The following ATM variants were observed in gnomAD, a reference collection of about 807,000 sequenced individuals.
ATM encodes the protein serine-protein kinase ATM.
In ATM, 308 loss-of-function variants were observed where a neutral mutation model predicts 387.0. The observed-to-expected ratio is 0.80, with a 90% CI of 0.73 to 0.87. The LOEUF is 0.87. ATM is among the 40% of genes least tolerant of loss of function. ATM has a pLI of 0.00. For missense variants in ATM, 3,312 were observed against 3,560.9 expected (o/e 0.93, Z 1.78); for synonymous variants, 1,156 against 1,187.3 (o/e 0.97, Z 0.54).
intron 22 of ATM, among the ~76,000 whole-genome samples, chr11:108,278,198 A>G (rs2082047796): frequency 6.6e-6 from 1 of 152,220 alleles, no homozygotes; most frequent in African/African-American, 2.4e-5. Context: ...GCCGACAGTA[A>G]TGTTTTCATA....
At chr11:108,260,084 G>A (rs2080771860) in intron 16 of ATM, among the ~76,000 whole-genome samples, 1 of 145,972 alleles carries the variant, frequency 6.9e-6, no homozygotes, top group Admixed American at 7.0e-5. Context: ...GCCCGGGCTG[G>A]AGTTCAGTGG....
chr11:108,253,037 A>T, intron 12 of ATM, 125 bp downstream of exon 12: 1 of 786,774 alleles, frequency 1.3e-6, no homozygotes, highest in Non-Finnish European at 2.1e-6. Flanking sequence ...AAAAATTGCA[A>T]CTGTTAGCCA....
rs58165074 is a variant in ATM, at chr11:108,316,753, CAAAAA to C, written c.6199-601_6199-597del. On this transcript the variant is annotated intron_variant, in intron 42 of 62. Coordinates refer to ENST00000675843, the MANE Select transcript of ATM (RefSeq NM_000051.4). The stretch of plus-strand genomic sequence containing the variant: ...TGAAACCCCGTCTCTACTAAAAATA[CAAAAA>C]AAAAAAAAAAAAAAAAAATTAGCCG... Among the ~76,000 whole-genome samples the C allele has an allele frequency of 2.2e-4, 16 of 72,426 alleles. No homozygotes were observed. The South Asian group carries it at 5.3e-3, about 24-fold the overall frequency. 47.5% of individuals were successfully genotyped at this position (72,426 alleles called of 152,430 possible).
intron 16 of ATM, among the ~76,000 whole-genome samples, chr11:108,262,456 C>T (rs968628821): frequency 6.6e-6 from 1 of 152,180 alleles, no homozygotes; most frequent in African/African-American, 2.4e-5. Flanking sequence ...CACCACCAGG[C>T]CTGCCTTACA....
In ATM at chr11:108,267,255, G is replaced by C. The variant is rs1555082218; in HGVS notation, c.2551G>C (p.Asp851His). 1.2e-6 allele frequency: 2 copies of C among 1,614,090 alleles called. No homozygotes were observed. The highest frequency in any genetic ancestry group is 1.7e-6 in the Non-Finnish European group (2 of 1,179,972). ...DTNGNLMEVE[D>H]QSSMNLFNDY... ...TAATGGAAATCTAATGGAGGTGGAG[G>C]ATCAGTCATCCATGAATCTATTTAA... Residue 851 changes from aspartate (D) to histidine (H), a missense_variant, in exon 17 of 63, where the codon GAT becomes CAT. By Grantham distance (81) the Asp-to-His change is moderately conservative. Around this residue, in one of 4 missense-constraint regions of ATM, gnomAD observed 1,791 missense variants for 1,804.5 expected, o/e 0.99. Transcript: ENST00000675843.
At chr11:108,340,334 A>G (rs1403917209) in intron 56 of ATM, 1 of 152,180 alleles carries the variant, frequency 6.6e-6, no homozygotes, top group Non-Finnish European at 1.5e-5. Flanking sequence ...ATGTCATATC[A>G]TTTCATCTGT....
chr11:108,344,674 G>A (rs1442690415), intron 57 of ATM, among the ~76,000 whole-genome samples: 1 of 152,016 alleles, frequency 6.6e-6, no homozygotes, highest in Non-Finnish European at 1.5e-5. Context: ...GAAATATGAA[G>A]GAGGCAGAAT....
At chr11:108,223,259 C>T (rs2078576859) in intron 1 of ATM, 73 bp downstream of exon 1, 1 of 157,510 alleles carries the variant, frequency 6.3e-6, no homozygotes. Context: ...TCTGTCCTCT[C>T]CCCAGACCGC....
intron 50 of ATM, among the ~76,000 whole-genome samples, chr11:108,330,697 C>A (rs768748500): frequency 4.6e-5 from 7 of 152,136 alleles, no homozygotes; most frequent in Non-Finnish European, 1.0e-4. Context: ...TAGCTTGGTC[C>A]TATGTCTTTG....
chr11:108,332,650 T>C, intron 52 of ATM, 112 bp from the exon 53 acceptor site: 1 of 1,147,500 alleles, frequency 8.7e-7, no homozygotes, highest in Non-Finnish European at 1.2e-6. Context: ...TTATAATCAT[T>C]CCATTGTCTA....
At chr11:108,352,291 A>C (rs1376914708) in intron 59 of ATM, among the ~76,000 whole-genome samples, 1 of 152,238 alleles carries the variant, frequency 6.6e-6, no homozygotes, top group African/African-American at 2.4e-5. Context: ...AAAATATAGT[A>C]AGTCTCAGCA....
intron 45 of ATM, among the ~76,000 whole-genome samples, chr11:108,324,313 A>G (rs1309871819): frequency 6.6e-6 from 1 of 152,106 alleles, no homozygotes; most frequent in Admixed American, 6.5e-5. Context: ...CTTGGAACCA[A>G]TTTTCTGCAG....
At chr11:108,293,898 T>TA (rs2082975030) in intron 31 of ATM, among the ~76,000 whole-genome samples, 4 of 120,816 alleles carry the variant, frequency 3.3e-5, no homozygotes, top group Non-Finnish European at 6.9e-5. Context: ...AAAAAAAATA[T>TA]ATATATATAT....
In ATM at chr11:108,289,690, A is replaced by G. The variant is rs1565456320; in HGVS notation, c.4325A>G (p.Tyr1442Cys). ...AAGAAGCACAGAATTCTTAAAATAT[A>G]TCACCTGTTTGTTAGTTTATTACTG... Reference protein sequence around the residue: ...VYKKHRILKIYHLFVSLLLKD... With the variant: ...VYKKHRILKICHLFVSLLLKD... The change falls in exon 29 of 63, where the codon TAT (tyrosine) becomes TGT (cysteine). Residue 1442 changes from tyrosine to cysteine, a missense_variant. By Grantham distance (194) the Tyr-to-Cys change is radical. Around this residue, in one of 4 missense-constraint regions of ATM, gnomAD observed 1,791 missense variants for 1,804.5 expected, o/e 0.99. Coordinates refer to ENST00000675843, the MANE Select transcript of ATM (RefSeq NM_000051.4). The G allele has an allele frequency of 2.5e-6, 4 of 1,613,628 alleles. No individual in the cohort carries two copies. The highest frequency in any genetic ancestry group is 2.7e-5 in the African/African-American group (2 of 75,064).
chr11:108,271,616 T>G (rs2081589050), intron 20 of ATM, among the ~76,000 whole-genome samples: 1 of 152,252 alleles, frequency 6.6e-6, no homozygotes. Context: ...ACCGTTTAAC[T>G]CATTTCTCTG....
At chr11:108,298,173 C>T (rs1186229330) in intron 33 of ATM, among the ~76,000 whole-genome samples, 2 of 152,076 alleles carry the variant, frequency 1.3e-5, no homozygotes, top group African/African-American at 4.8e-5. Flanking sequence ...ATTTAGTGAC[C>T]ACGGGATGGA....
intron 43 of ATM, 67 bp from the exon 44 acceptor site, chr11:108,319,887 C>A: frequency 9.1e-7 from 1 of 1,104,354 alleles, no homozygotes; most frequent in Non-Finnish European, 1.4e-6. Context: ...TTTGGTGAAG[C>A]TATTTATACA....
chr11:108,284,974 T>G lies in ATM; in HGVS notation c.3993+501T>G, dbSNP rs1364410797. 2.6e-5 allele frequency among the ~76,000 whole-genome samples: 4 copies of G among 152,198 alleles called. No homozygotes were observed. In the East Asian group the frequency reaches 7.7e-4, roughly 29 times the overall value. On this transcript the variant is annotated intron_variant, in intron 26 of 62. Coordinates refer to ENST00000675843, the MANE Select transcript of ATM (RefSeq NM_000051.4). Reference sequence around the variant, plus strand: ...CTTTTTTTTCTGTCTTTGCTTTTGTTTTTGAGACAGAGTCTTACTCTTTTG... The same window carrying G: ...CTTTTTTTTCTGTCTTTGCTTTTGTGTTTGAGACAGAGTCTTACTCTTTTG...
intron 40 of ATM, 67 bp downstream of exon 40, chr11:108,312,565 A>G (rs2084268009): frequency 8.7e-7 from 1 of 1,149,074 alleles, no homozygotes; most frequent in African/African-American, 1.5e-5. Flanking sequence ...TTTGTTATAG[A>G]CACTGTACAG....
Sources: allele counts gnomAD v4.1 joint callset (sites outside exome capture counted in the v4.1 genomes callset), GRCh38; gene constraint gnomAD v4.1.1; regional missense constraint gnomAD v4.1.1; transcripts MANE v1.5; gene names NCBI Gene and HGNC (gene_info 2026-07-23, HGNC 2026-07-21).